TMEM132C: variants seen among roughly 807,000 people sequenced by gnomAD.
The protein encoded by TMEM132C is protein phosphatase 1, regulatory subunit 152.
TMEM132C carries 29 observed loss-of-function variants against 61.4 expected under a neutral mutation model. The ratio of observed to expected loss-of-function variants is 0.47; its 90% CI spans 0.35 to 0.64. TMEM132C has a LOEUF of 0.64. TMEM132C is among the 30% of genes least tolerant of loss of function. The pLI, the probability that TMEM132C is intolerant of heterozygous loss-of-function variation, is 0.00. For missense variants in TMEM132C, 1,408 were observed against 1,476.9 expected (o/e 0.95, Z 0.76); for synonymous variants, 656 against 633.1 (o/e 1.04, Z -0.54).
At chr12:128,303,600 C>T (rs754629103) in intron 1 of TMEM132C, among the ~76,000 whole-genome samples, 1 of 152,154 alleles carries the variant, frequency 6.6e-6, no homozygotes, top group Non-Finnish European at 1.5e-5. Flanking sequence ...ACATCCTGAG[C>T]CTTAGGCATC....
intron 3 of TMEM132C, among the ~76,000 whole-genome samples, chr12:128,557,575 G>T (rs2136160605): frequency 6.6e-6 from 1 of 152,294 alleles, no homozygotes; most frequent in Non-Finnish European, 1.5e-5. Flanking sequence ...CTGGTCCTCA[G>T]ACAGCAAACT....
intron 2 of TMEM132C, among the ~76,000 whole-genome samples, chr12:128,467,241 T>C (rs974374891): frequency 5.9e-5 from 9 of 152,182 alleles, no homozygotes; most frequent in African/African-American, 1.2e-4. Flanking sequence ...CTGCTTTGTT[T>C]AGGAAATTAA....
intron 7 of TMEM132C, 108 bp downstream of exon 7, chr12:128,696,211 A>T (rs1954762512): frequency 7.2e-7 from 1 of 1,389,808 alleles, no homozygotes; most frequent in Non-Finnish European, 9.7e-7. Flanking sequence ...ACCCATGTGT[A>T]TCATGGGAAC....
chr12:128,702,002 C>T (rs1197961843), intron 8 of TMEM132C, among the ~76,000 whole-genome samples: 1 of 151,272 alleles, frequency 6.6e-6, no homozygotes, highest in African/African-American at 2.4e-5. Context: ...CAGGTTCAAG[C>T]AATTCTCCTG....
At chr12:128,285,070 G>C (rs1411224624) in intron 1 of TMEM132C, among the ~76,000 whole-genome samples, 1 of 152,164 alleles carries the variant, frequency 6.6e-6, no homozygotes, top group African/African-American at 2.4e-5. Flanking sequence ...TTGACCTTCA[G>C]AGGTGGAGGT....
chr12:128,397,994 C>T (rs774662335), intron 1 of TMEM132C, among the ~76,000 whole-genome samples: 11 of 152,016 alleles, frequency 7.2e-5, no homozygotes, highest in Non-Finnish European at 1.5e-4. Context: ...CTTATCCTAT[C>T]CCTCTGTTGA....
At chr12:128,400,479 C>G (rs1593040016) in intron 1 of TMEM132C, among the ~76,000 whole-genome samples, 1 of 152,066 alleles carries the variant, frequency 6.6e-6, no homozygotes, top group Non-Finnish European at 1.5e-5. Flanking sequence ...GCACAGTGAT[C>G]TTTGGGGCTG....
At position 128,546,889 on chromosome 12, in the gene TMEM132C, A is replaced by G. The variant is rs117330511; in HGVS notation, c.1121+2786A>G. ...TCACAGGTTCTGAGGATTAGGATGT[A>G]GACAAATTGGCCTGCCTCTGTCTTC... On this transcript the variant is annotated intron_variant, in intron 3 of 8. Coordinates refer to ENST00000435159, the MANE Select transcript of TMEM132C (RefSeq NM_001136103.3). 8.7e-3 allele frequency among the ~76,000 whole-genome samples: 1,318 copies of G among 152,320 alleles called. 7 individuals carry two copies. The highest frequency in any genetic ancestry group is 0.02 in the Middle Eastern group (6 of 294).
chr12:128,389,077 T>C (rs1384449762), intron 1 of TMEM132C, among the ~76,000 whole-genome samples: 1 of 152,156 alleles, frequency 6.6e-6, no homozygotes, highest in Non-Finnish European at 1.5e-5. Flanking sequence ...GATGCAGAAA[T>C]GAGTCCGGGG....
chr12:128,547,970 G>A (rs562381213), intron 3 of TMEM132C, among the ~76,000 whole-genome samples: 40 of 152,138 alleles, frequency 2.6e-4, no homozygotes, highest in East Asian at 3.9e-4. Context: ...CCACATGACC[G>A]CTCACCCCTG....
chr12:128,697,171 A>G, intron 7 of TMEM132C, 53 bp from the exon 8 acceptor site: 3 of 1,424,988 alleles, frequency 2.1e-6, no homozygotes, highest in Non-Finnish European at 2.8e-6. Context: ...TAAAGGGGAT[A>G]ACATCTGGAA....
rs560947813 is a variant in TMEM132C, at chr12:128,328,086, C to T, written c.85+60599C>T. On this transcript the variant is annotated intron_variant, in intron 1 of 8. Coordinates refer to ENST00000435159, the MANE Select transcript of TMEM132C (RefSeq NM_001136103.3). ...AGAGTGCCCTAGCCAAGGAGAAAGCCCAGTCAGATGTGTGGGGGCATGGGG... is the reference window on the plus strand; with the variant it reads ...AGAGTGCCCTAGCCAAGGAGAAAGCTCAGTCAGATGTGTGGGGGCATGGGG... Among the ~76,000 whole-genome samples the T allele has an allele frequency of 2.0e-5, 3 of 152,038 alleles. No homozygotes were observed. The South Asian group carries it at 6.2e-4, about 32-fold the overall frequency.
chr12:128,595,838 G>A (rs11059785), intron 3 of TMEM132C, among the ~76,000 whole-genome samples: 22,904 of 152,200 alleles, frequency 0.15, 2,736 homozygotes, highest in East Asian at 0.52. Context: ...GGAATCAGCC[G>A]CTTCAGCTTT....
intron 1 of TMEM132C, among the ~76,000 whole-genome samples, chr12:128,402,772 C>A (rs144693982): frequency 2.1e-3 from 315 of 152,324 alleles, no homozygotes; most frequent in African/African-American, 7.2e-3. Context: ...TTAAAGCAGC[C>A]CATGTTAGAC....
chr12:128,477,226 C>G (rs1294495537), intron 2 of TMEM132C, among the ~76,000 whole-genome samples: 1 of 152,184 alleles, frequency 6.6e-6, no homozygotes, highest in Non-Finnish European at 1.5e-5. Flanking sequence ...TGGCTGGACT[C>G]ACTCACACGT....
chr12:128,412,166 G>C (rs1445314565), intron 1 of TMEM132C, among the ~76,000 whole-genome samples: 7 of 152,064 alleles, frequency 4.6e-5, no homozygotes, highest in Non-Finnish European at 1.0e-4. Flanking sequence ...ATACAATTAA[G>C]TTCATTTCTT....
intron 1 of TMEM132C, among the ~76,000 whole-genome samples, chr12:128,348,729 T>C (rs574361660): frequency 4.6e-5 from 7 of 152,358 alleles, no homozygotes; most frequent in East Asian, 3.9e-4. Flanking sequence ...TAGAGCTTTG[T>C]CATCTTTCTG....
chr12:128,521,775 A>G (rs4882771), intron 2 of TMEM132C, among the ~76,000 whole-genome samples: 143,846 of 152,246 alleles, frequency 0.94, 68,423 homozygotes, highest in East Asian at 1. Context: ...GGAATCTGGT[A>G]CTCAGATATA....
chr12:128,505,238 G>C (rs1180038765), intron 2 of TMEM132C, among the ~76,000 whole-genome samples: 1 of 152,206 alleles, frequency 6.6e-6, no homozygotes, highest in Non-Finnish European at 1.5e-5. Flanking sequence ...GACAGATCAA[G>C]GTGCCGGTGG....
Sources: allele counts gnomAD v4.1 joint callset (sites outside exome capture counted in the v4.1 genomes callset), GRCh38; gene constraint gnomAD v4.1.1; transcripts MANE v1.5; gene names NCBI Gene and HGNC (gene_info 2026-07-23, HGNC 2026-07-21).